Variants in ARID1B observed in about 807,000 individuals in gnomAD.
ARID1B encodes AT-rich interaction domain 1B, also known as AT-rich interactive domain-containing protein 1B.
Under a neutral mutation model 212.3 loss-of-function variants are expected in ARID1B, and 30 were observed. That is an observed-to-expected ratio of 0.14 (90% CI 0.11 to 0.19). The LOEUF is 0.19. Among genes scored for constraint, ARID1B ranks in the 10% least tolerant of loss-of-function variants. The pLI, the probability that ARID1B is intolerant of heterozygous loss-of-function variation, is 1.00. For synonymous variants in ARID1B, 1,402 were observed against 1,301.7 expected (o/e 1.08, Z -1.66); for missense variants, 2,891 against 3,204.0 (o/e 0.90, Z 2.36).
At chr6:156,890,941 TTTC>T (rs1787876832) in intron 2 of ARID1B, among the ~76,000 whole-genome samples, 1 of 152,218 alleles carries the variant, frequency 6.6e-6, no homozygotes, top group Non-Finnish European at 1.5e-5. Context: ...AAGATTTATT[TTTC>T]TTCTTAAAAT....
intron 4 of ARID1B, among the ~76,000 whole-genome samples, chr6:157,082,650 A>T (rs887519805): frequency 1.3e-5 from 2 of 152,174 alleles, no homozygotes; most frequent in Non-Finnish European, 2.9e-5. Context: ...TCCTGGGCTC[A>T]AGCACTCCTC....
chr6:157,053,486 A>G (rs1349162083), intron 4 of ARID1B, among the ~76,000 whole-genome samples: 1 of 152,240 alleles, frequency 6.6e-6, no homozygotes, highest in Non-Finnish European at 1.5e-5. Flanking sequence ...TAAACAGAGC[A>G]GTATATAAAA....
At chr6:157,137,746 G>C (rs895710960) in intron 7 of ARID1B, among the ~76,000 whole-genome samples, 1 of 152,188 alleles carries the variant, frequency 6.6e-6, no homozygotes, top group Admixed American at 6.5e-5. Flanking sequence ...ATGGGAGTCT[G>C]GGAAGGGCCA....
chr6:156,824,701 G>A (rs538890739), intron 1 of ARID1B, among the ~76,000 whole-genome samples: 1 of 152,138 alleles, frequency 6.6e-6, no homozygotes, highest in Non-Finnish European at 1.5e-5. Context: ...GGAGGTGGAG[G>A]TTGCAGTGAG....
At chr6:157,113,960 G>A (rs1787128796) in intron 6 of ARID1B, among the ~76,000 whole-genome samples, 1 of 152,178 alleles carries the variant, frequency 6.6e-6, no homozygotes, top group African/African-American at 2.4e-5. Context: ...CTGATCAGGT[G>A]TCTAAATGAC....
intron 1 of ARID1B, among the ~76,000 whole-genome samples, chr6:156,828,523 C>A: frequency 6.6e-6 from 1 of 152,206 alleles, no homozygotes; most frequent in South Asian, 2.1e-4. Flanking sequence ...GCCTAGCCCT[C>A]CTGTATGACC....
intron 1 of ARID1B, among the ~76,000 whole-genome samples, chr6:156,812,980 G>GTATATACATA (rs1562404134): frequency 1.6e-5 from 1 of 61,414 alleles, no homozygotes; most frequent in African/African-American, 5.2e-5. Context: ...GTGTGTGTAT[G>GTATATACATA]TATATACATA....
intron 3 of ARID1B, 171 bp downstream of exon 3, chr6:156,901,696 T>G (rs1394845435): frequency 2.3e-6 from 2 of 875,804 alleles, no homozygotes; most frequent in Non-Finnish European, 3.4e-6. Context: ...CTCCGTCTTT[T>G]CCCCTTTTGA....
At chr6:157,184,463 C>T (rs1363414207) in intron 13 of ARID1B, 28 bp downstream of exon 13, 3 of 1,612,636 alleles carry the variant, frequency 1.9e-6, no homozygotes, top group Non-Finnish European at 1.7e-6. Context: ...AGTCACTGGC[C>T]CAGGAAAGCC....
intron 2 of ARID1B, among the ~76,000 whole-genome samples, chr6:156,896,283 T>TA (rs1788378433): frequency 6.6e-6 from 1 of 152,122 alleles, no homozygotes; most frequent in Non-Finnish European, 1.5e-5. Flanking sequence ...AACTGCTCTC[T>TA]AAACTTCTTT....
At chr6:156,797,354 A>T (rs1780455463) in intron 1 of ARID1B, among the ~76,000 whole-genome samples, 1 of 152,248 alleles carries the variant, frequency 6.6e-6, no homozygotes, top group South Asian at 2.1e-4. Context: ...AATTGGTTTT[A>T]ATGGAGCTGT....
At chr6:157,162,130 CGTCT>C (rs1246079867) in intron 8 of ARID1B, among the ~76,000 whole-genome samples, 1 of 152,176 alleles carries the variant, frequency 6.6e-6, no homozygotes, top group African/African-American at 2.4e-5. Flanking sequence ...CACACTTCAC[CGTCT>C]GTCACTGTTG....
At chr6:156,791,612 C>T (rs1486462086) in intron 1 of ARID1B, among the ~76,000 whole-genome samples, 1 of 152,188 alleles carries the variant, frequency 6.6e-6, no homozygotes, top group Non-Finnish European at 1.5e-5. Context: ...ATTTGACGGC[C>T]ATTCATCCCT....
intron 1 of ARID1B, among the ~76,000 whole-genome samples, chr6:156,788,474 T>C (rs1391428023): frequency 1.3e-5 from 2 of 152,372 alleles, no homozygotes; most frequent in Admixed American, 1.3e-4. Flanking sequence ...CAATCATTCC[T>C]CTGTTATACT....
intron 15 of ARID1B, chr6:157,195,897 C>G: frequency 2.7e-6 from 1 of 365,808 alleles, no homozygotes; most frequent in South Asian, 2.7e-5. Flanking sequence ...CCTGTCTCTA[C>G]TAAAAATACA....
At chr6:156,871,038 A>G (rs288546) in intron 2 of ARID1B, among the ~76,000 whole-genome samples, 91,867 of 152,048 alleles carry the variant, frequency 0.6, 28,089 homozygotes, top group African/African-American at 0.67. Flanking sequence ...AGAGATTAGT[A>G]TTTATGTCAG....
In ARID1B at chr6:156,881,411, C is replaced by T. The variant is rs956145715; in HGVS notation, c.1987-19965C>T. Among the ~76,000 whole-genome samples the T allele has an allele frequency of 5.3e-5, 8 of 152,174 alleles. No individual in the cohort carries two copies. The South Asian group carries it at 1.7e-3, about 31-fold the overall frequency. On this transcript the variant is annotated intron_variant, in intron 2 of 19. Coordinates refer to ENST00000636930, the MANE Select transcript of ARID1B (RefSeq NM_001374828.1). Reference sequence around the variant, plus strand: ...TTTTCAAAGCTTTGGAAAATAGACTCCTGCTTATACTGTTTTAAAAATATA... The same window carrying T: ...TTTTCAAAGCTTTGGAAAATAGACTTCTGCTTATACTGTTTTAAAAATATA...
chr6:157,131,663 G>A (rs1343078539), intron 6 of ARID1B, among the ~76,000 whole-genome samples: 6 of 152,050 alleles, frequency 3.9e-5, no homozygotes, highest in African/African-American at 1.2e-4. Flanking sequence ...TTATTCTAGC[G>A]CCAGTGGGAA....
intron 16 of ARID1B, 26 bp downstream of exon 16, chr6:157,196,341 T>G: frequency 1.9e-6 from 3 of 1,579,644 alleles, no homozygotes; most frequent in South Asian, 1.2e-5. Flanking sequence ...GATGACAATA[T>G]GATGATTTAC....
Sources: gnomAD v4.1 joint callset for allele counts (sites outside exome capture counted in the v4.1 genomes callset) on GRCh38, gnomAD v4.1.1 for gene constraint, MANE v1.5 for transcripts, NCBI Gene and HGNC (gene_info 2026-07-23, HGNC 2026-07-21) for gene names.